The following PIP5K1B variants were observed in gnomAD, a reference collection of about 807,000 sequenced individuals.
The protein encoded by PIP5K1B is phosphatidylinositol 4-phosphate 5-kinase type-1 beta.
In PIP5K1B, 42 loss-of-function variants were observed where a neutral mutation model predicts 67.0. The ratio of observed to expected loss-of-function variants is 0.63; its 90% CI spans 0.49 to 0.81. PIP5K1B has a LOEUF of 0.81. PIP5K1B is among the 30% of genes least tolerant of loss of function. The pLI, the probability that PIP5K1B is intolerant of heterozygous loss-of-function variation, is 0.00. For synonymous variants in PIP5K1B, 214 were observed against 231.4 expected (o/e 0.92, Z 0.68); for missense variants, 459 against 646.3 (o/e 0.71, Z 3.14).
chr9:68,971,329 C>G (rs1242559962), intron 14 of PIP5K1B, among the ~76,000 whole-genome samples: 2 of 152,156 alleles, frequency 1.3e-5, no homozygotes, highest in African/African-American at 4.8e-5. Context: ...TAAACTCACT[C>G]TTTTTTGTGG....
At chr9:68,952,655 A>G (rs1316761152) in intron 14 of PIP5K1B, among the ~76,000 whole-genome samples, 1 of 152,148 alleles carries the variant, frequency 6.6e-6, no homozygotes, top group Non-Finnish European at 1.5e-5. Flanking sequence ...ATAGAATTCT[A>G]GATTGCAAAT....
intron 8 of PIP5K1B, among the ~76,000 whole-genome samples, chr9:68,913,009 G>A (rs911679935): frequency 2.0e-5 from 3 of 152,192 alleles, no homozygotes; most frequent in East Asian, 1.9e-4. Flanking sequence ...GTTTTTGATT[G>A]TGTCTTCAGG....
intron 2 of PIP5K1B, among the ~76,000 whole-genome samples, chr9:68,793,340 C>T (rs893462075): frequency 3.3e-5 from 5 of 152,118 alleles, no homozygotes; most frequent in Non-Finnish European, 7.4e-5. Context: ...TTAATAGGAA[C>T]ACTCCTGCTG....
In PIP5K1B at chr9:68,731,922, T is replaced by C. The variant is rs76450753; in HGVS notation, c.-242-10579T>C. ...TCACTGTATTTCAGGAAGCATTTTATAATAAGCAAACTGCAACCCTTTTTT... is the reference window on the plus strand; with the variant it reads ...TCACTGTATTTCAGGAAGCATTTTACAATAAGCAAACTGCAACCCTTTTTT... On this transcript the variant is annotated intron_variant, in intron 1 of 15. Coordinates refer to ENST00000265382, the MANE Select transcript of PIP5K1B (RefSeq NM_003558.4). 4.6e-5 allele frequency among the ~76,000 whole-genome samples: 7 copies of C among 152,362 alleles called. No homozygotes were observed. In the East Asian group the frequency reaches 1.3e-3, roughly 29 times the overall value.
chr9:68,822,497 G>T, intron 3 of PIP5K1B, 118 bp from the exon 4 acceptor site: 2 of 674,274 alleles, frequency 3.0e-6, no homozygotes, highest in Non-Finnish European at 5.1e-6. Context: ...AGGAACAACA[G>T]CAATAGCAAT....
chr9:68,767,664 G>C (rs1212141900), intron 2 of PIP5K1B, among the ~76,000 whole-genome samples: 1 of 151,142 alleles, frequency 6.6e-6, no homozygotes, highest in Non-Finnish European at 1.5e-5. Context: ...GATCAAGTAG[G>C]TACATCACAA....
At chr9:68,813,069 C>A (rs1564154873) in intron 2 of PIP5K1B, among the ~76,000 whole-genome samples, 1 of 152,162 alleles carries the variant, frequency 6.6e-6, no homozygotes, top group South Asian at 2.1e-4. Flanking sequence ...AGAGATGGGA[C>A]AAAAGACCTG....
At chr9:68,750,557 T>C (rs1402218193) in intron 2 of PIP5K1B, among the ~76,000 whole-genome samples, 2 of 152,240 alleles carry the variant, frequency 1.3e-5, no homozygotes, top group Non-Finnish European at 2.9e-5. Context: ...TTTGAATAGA[T>C]ACCATCATAT....
chr9:68,860,759 G>C (rs1283265710), intron 4 of PIP5K1B, among the ~76,000 whole-genome samples: 1 of 152,180 alleles, frequency 6.6e-6, no homozygotes, highest in Non-Finnish European at 1.5e-5. Context: ...ATGCCTCACG[G>C]TTCTGGAGAG....
chr9:68,915,471 A>C (rs954932536), intron 8 of PIP5K1B, among the ~76,000 whole-genome samples: 1 of 152,164 alleles, frequency 6.6e-6, no homozygotes, highest in African/African-American at 2.4e-5. Flanking sequence ...GGTGCTTCTG[A>C]CATAAAACAG....
At chr9:68,831,806 G>A (rs545789264) in intron 4 of PIP5K1B, among the ~76,000 whole-genome samples, 32 of 152,098 alleles carry the variant, frequency 2.1e-4, no homozygotes, top group Non-Finnish European at 3.7e-4. Context: ...CTCCTGAGTA[G>A]CTGGGATTAC....
At chr9:68,724,987 GTTCTAT>G (rs1828083174) in intron 1 of PIP5K1B, among the ~76,000 whole-genome samples, 2 of 151,872 alleles carry the variant, frequency 1.3e-5, no homozygotes, top group African/African-American at 4.8e-5. Flanking sequence ...TTGGCTGAAT[GTTCTAT>G]TTCTGACTTA....
chr9:68,949,818 G>C (rs145359000), intron 14 of PIP5K1B, among the ~76,000 whole-genome samples: 2 of 152,208 alleles, frequency 1.3e-5, no homozygotes, highest in South Asian at 2.1e-4. Flanking sequence ...GGAAAGTGGC[G>C]TGCAGAAAAC....
intron 2 of PIP5K1B, chr9:68,780,977 T>C: frequency 6.2e-7 from 1 of 1,614,220 alleles, no homozygotes; most frequent in Non-Finnish European, 8.5e-7. Context: ...CTGTGTCACC[T>C]GCCCAAGCGG....
At chr9:68,836,422 T>C (rs1298183529) in intron 4 of PIP5K1B, among the ~76,000 whole-genome samples, 1 of 152,182 alleles carries the variant, frequency 6.6e-6, no homozygotes, top group Non-Finnish European at 1.5e-5. Context: ...GATGGAGTCT[T>C]CTGAGATTCT....
At chr9:68,731,695 G>A (rs1261366930) in intron 1 of PIP5K1B, among the ~76,000 whole-genome samples, 3 of 152,152 alleles carry the variant, frequency 2.0e-5, no homozygotes, top group African/African-American at 4.8e-5. Flanking sequence ...GAATGTGGCT[G>A]GAGTTAGACA....
At chr9:68,818,179 C>T (rs909520153) in intron 2 of PIP5K1B, among the ~76,000 whole-genome samples, 1 of 152,162 alleles carries the variant, frequency 6.6e-6, no homozygotes, top group South Asian at 2.1e-4. Context: ...GGTAACTGAT[C>T]GTATTTTCCT....
rs746850093 is a variant in PIP5K1B at position 68,940,725 on chromosome 9, T to C, written c.1437T>C (p.Ile479=). The C allele has an allele frequency of 1.2e-5, 20 of 1,613,886 alleles. No individual in the cohort carries two copies. Among genetic ancestry groups the C allele is most frequent in the Non-Finnish European group, 1.6e-5 (19 of 1,179,894 alleles). Residue 479 remains isoleucine, a synonymous_variant, in exon 14 of 16, where the codon ATT becomes ATC. Transcript: ENST00000265382. ...AAGCTGCTTCCTTGGCAACCACAAT[T>C]TCATCTTCTTCCTTATACGTCAATG... ...LFEAASLATT[I]SSSSLYVNEH...
intron 1 of PIP5K1B, among the ~76,000 whole-genome samples, chr9:68,717,074 G>A (rs10125301): frequency 0.12 from 17,745 of 152,118 alleles, 1,126 homozygotes; most frequent in African/African-American, 0.13. Context: ...TAGATACTGG[G>A]AGCTCCAAAG....
Sources: allele counts gnomAD v4.1 joint callset (sites outside exome capture counted in the v4.1 genomes callset), GRCh38; gene constraint gnomAD v4.1.1; transcripts MANE v1.5; gene names NCBI Gene and HGNC (gene_info 2026-07-23, HGNC 2026-07-21).